The following PDGFC variants were observed in gnomAD, a reference collection of about 807,000 sequenced individuals.
PDGFC encodes platelet derived growth factor C.
A neutral mutation model predicts 35.5 loss-of-function variants in PDGFC; 12 were observed. The ratio of observed to expected loss-of-function variants is 0.34; its 90% CI spans 0.22 to 0.55. The LOEUF (loss-of-function observed/expected upper bound fraction) is 0.55, where lower values mean the gene tolerates loss of function less well. Ranked by LOEUF, PDGFC falls within the 20% of genes least tolerant of loss-of-function variation. PDGFC has a pLI of 0.91. For missense variants in PDGFC, 322 were observed against 412.4 expected, an observed-to-expected ratio of 0.78 and a Z score of 1.90; for synonymous variants, 159 against 148.8, an observed-to-expected ratio of 1.07 and a Z score of -0.50.
intron 1 of PDGFC, among the ~76,000 whole-genome samples, chr4:156,880,892 G>A (rs1194647741): frequency 1.3e-5 from 2 of 152,208 alleles, no homozygotes; most frequent in Non-Finnish European, 2.9e-5. Context: ...GTGATTTCTG[G>A]AGATGGAATC....
chr4:156,855,650 T>C (rs915489478), intron 1 of PDGFC, among the ~76,000 whole-genome samples: 1 of 152,198 alleles, frequency 6.6e-6, no homozygotes, highest in Non-Finnish European at 1.5e-5. Flanking sequence ...TCTCACTCTA[T>C]AAATTGATAA....
intron 1 of PDGFC, among the ~76,000 whole-genome samples, chr4:156,868,318 G>C (rs1397341265): frequency 6.6e-6 from 1 of 152,166 alleles, no homozygotes; most frequent in African/African-American, 2.4e-5. Context: ...TAATTGTTGA[G>C]TCGGAAACTA....
At chr4:156,825,152 C>A (rs1181811665) in intron 2 of PDGFC, among the ~76,000 whole-genome samples, 1 of 152,028 alleles carries the variant, frequency 6.6e-6, no homozygotes, top group East Asian at 1.9e-4. Flanking sequence ...TAGGCAGATG[C>A]AGGAAAAGGG....
intron 3 of PDGFC, chr4:156,774,438 C>T (rs1730768010): frequency 6.6e-6 from 1 of 152,156 alleles, no homozygotes; most frequent in Non-Finnish European, 1.5e-5. Flanking sequence ...TCATCACTGT[C>T]CCACAGCCCT....
In PDGFC at chr4:156,810,967, C is replaced by T. The variant is rs1731917790; in HGVS notation, c.365G>A (p.Arg122His). ...EEPSDGTILG[R>H]WCGSGTVPGK... is the part of the protein sequence containing the mutation. The stretch of plus-strand genomic sequence containing the variant: ...TGGTACAGTACCAGAACCACACCAG[C>T]GCCCTAATATAGTTCCATCACTGGG... Residue 122 changes from arginine to histidine, a missense_variant, in exon 3 of 6, where the codon CGC becomes CAC. By Grantham distance (29) the Arg-to-His change is conservative. Coordinates refer to ENST00000502773, the MANE Select transcript of PDGFC (RefSeq NM_016205.3). The T allele has an allele frequency of 1.2e-6, 2 of 1,606,980 alleles. No homozygotes were observed. Among genetic ancestry groups the T allele is most frequent in the Non-Finnish European group, 1.7e-6 (2 of 1,175,068 alleles).
chr4:156,823,332 G>T (rs964614796), intron 2 of PDGFC, among the ~76,000 whole-genome samples: 23 of 152,302 alleles, frequency 1.5e-4, no homozygotes, highest in Middle Eastern at 3.4e-3. Context: ...TCTGTAAAAT[G>T]GGGAAAATAT....
intron 3 of PDGFC, among the ~76,000 whole-genome samples, chr4:156,800,701 A>G (rs1241121107): frequency 1.3e-5 from 2 of 152,198 alleles, no homozygotes; most frequent in South Asian, 2.1e-4. Context: ...CATTAATGTT[A>G]TAACAGAGTT....
At chr4:156,811,887 C>G (rs1731940950) in intron 2 of PDGFC, among the ~76,000 whole-genome samples, 1 of 151,928 alleles carries the variant, frequency 6.6e-6, no homozygotes, top group Non-Finnish European at 1.5e-5. Context: ...CAGGCAAGGT[C>G]CACGAATGCC....
chr4:156,878,766 C>T (rs948949461), intron 1 of PDGFC, among the ~76,000 whole-genome samples: 3 of 152,094 alleles, frequency 2.0e-5, no homozygotes, highest in African/African-American at 4.8e-5. Flanking sequence ...AACTTCTCTG[C>T]TTCCATGTCC....
intron 1 of PDGFC, among the ~76,000 whole-genome samples, chr4:156,917,445 G>A (rs1731178875): frequency 6.6e-6 from 1 of 152,176 alleles, no homozygotes; most frequent in African/African-American, 2.4e-5. Flanking sequence ...TCTTGGTTAT[G>A]ATTTGTATGA....
At chr4:156,863,147 G>T (rs1034431262) in intron 1 of PDGFC, among the ~76,000 whole-genome samples, 2 of 152,102 alleles carry the variant, frequency 1.3e-5, no homozygotes, top group African/African-American at 2.4e-5. Flanking sequence ...ATAAATAAGG[G>T]TCATCATATA....
At chr4:156,851,810 A>C (rs1277298263) in intron 1 of PDGFC, among the ~76,000 whole-genome samples, 1 of 151,720 alleles carries the variant, frequency 6.6e-6, no homozygotes, top group Non-Finnish European at 1.5e-5. Flanking sequence ...GGGCGCCTGT[A>C]GTCCCTGCTA....
At chr4:156,943,926 T>G (rs1425431214) in intron 1 of PDGFC, among the ~76,000 whole-genome samples, 2 of 152,148 alleles carry the variant, frequency 1.3e-5, no homozygotes, top group African/African-American at 4.8e-5. Context: ...CGTCCAGGCT[T>G]TCCCTTAAAA....
At chr4:156,798,647 G>C (rs943057022) in intron 3 of PDGFC, among the ~76,000 whole-genome samples, 3 of 152,040 alleles carry the variant, frequency 2.0e-5, no homozygotes, top group Non-Finnish European at 2.9e-5. Context: ...GCTTGAGATG[G>C]CTTCTCAAGA....
chr4:156,936,373 G>A (rs1731681728), intron 1 of PDGFC, among the ~76,000 whole-genome samples: 1 of 152,076 alleles, frequency 6.6e-6, no homozygotes, highest in African/African-American at 2.4e-5. Flanking sequence ...TCTCCCCCTT[G>A]GCCTCCACCT....
intron 2 of PDGFC, among the ~76,000 whole-genome samples, chr4:156,849,597 T>C (rs1579053696): frequency 6.6e-6 from 1 of 152,178 alleles, no homozygotes; most frequent in East Asian, 1.9e-4. Flanking sequence ...AGGTGGTCTT[T>C]TGCGTGGGTG....
intron 3 of PDGFC, among the ~76,000 whole-genome samples, chr4:156,793,549 A>ATG (rs1216229287): frequency 1.4e-5 from 2 of 145,058 alleles, no homozygotes; most frequent in Non-Finnish European, 3.0e-5. Context: ...ATATATATAT[A>ATG]TATATATATA....
intron 1 of PDGFC, among the ~76,000 whole-genome samples, chr4:156,853,926 G>A (rs1476844369): frequency 6.6e-6 from 1 of 152,150 alleles, no homozygotes; most frequent in Non-Finnish European, 1.5e-5. Context: ...TGGCACCACT[G>A]CACTCCAGCC....
At chr4:156,921,789 T>C (rs1429407386) in intron 1 of PDGFC, among the ~76,000 whole-genome samples, 1 of 152,160 alleles carries the variant, frequency 6.6e-6, no homozygotes, top group Non-Finnish European at 1.5e-5. Flanking sequence ...TAACTGTTTC[T>C]ACTGATGTGC....
Sources: allele counts gnomAD v4.1 joint callset (sites outside exome capture counted in the v4.1 genomes callset), GRCh38; gene constraint gnomAD v4.1.1; transcripts MANE v1.5; gene names NCBI Gene and HGNC (gene_info 2026-07-23, HGNC 2026-07-21).